The following WNT9B variants were observed in gnomAD, a reference collection of about 807,000 sequenced individuals.
The protein encoded by WNT9B is protein Wnt-9b.
WNT9B carries 12 observed loss-of-function variants against 30.2 expected under a neutral mutation model. That is an observed-to-expected ratio of 0.40 (90% CI 0.26 to 0.64). The LOEUF is 0.64. Among genes scored for constraint, WNT9B ranks in the 30% least tolerant of loss-of-function variants. The probability of loss-of-function intolerance (pLI) is 0.42; values close to 1 mark genes in which losing one functional copy is unlikely to be tolerated. For synonymous variants in WNT9B, 218 were observed against 216.9 expected (o/e 1.01, Z -0.05); for missense variants, 442 against 485.2 (o/e 0.91, Z 0.84).
chr17:46,871,732 T>A (rs1384930657), intron 1 of WNT9B, among the ~76,000 whole-genome samples: 1 of 152,160 alleles, frequency 6.6e-6, no homozygotes, highest in Non-Finnish European at 1.5e-5. Context: ...GGCTCCAGAA[T>A]CGATGAACTT....
chr17:46,885,019 GT>G (rs1240686501), downstream of WNT9B: 6 of 435,876 alleles, frequency 1.4e-5, no homozygotes, highest in Admixed American at 1.0e-4. Flanking sequence ...ACGAAGTCTT[GT>G]TCTTGTTGCG....
At position 46,868,550 on chromosome 17, in the gene WNT9B, CTCAG is replaced by C. The variant is rs1316467784; in HGVS notation, c.78-3966_78-3963del. Among the ~76,000 whole-genome samples the C allele has an allele frequency of 8.0e-3, 1,223 of 152,246 alleles. 16 individuals are homozygous for C. The highest frequency in any genetic ancestry group is 0.028 in the African/African-American group (1,146 of 41,548). On this transcript the variant is annotated intron_variant, in intron 1 of 3. Transcript: ENST00000290015. ...GGCAGAGGTTGCAGTGAGCCGAAAT[CTCAG>C]CACTGCACTCCAGCCTGGGTGATGG...
intron 1 of WNT9B, among the ~76,000 whole-genome samples, chr17:46,855,091 T>TA (rs59799598): frequency 0.17 from 25,384 of 152,132 alleles, 2,403 homozygotes; most frequent in East Asian, 0.37. Flanking sequence ...CACCCAGTGT[T>TA]ACACAGTGAA....
upstream of WNT9B, among the ~76,000 whole-genome samples, chr17:46,849,215 T>A (rs1368666501): frequency 6.6e-6 from 1 of 152,238 alleles, no homozygotes; most frequent in Non-Finnish European, 1.5e-5. Context: ...TTTCTCACTC[T>A]CCAGCCACTG....
chr17:46,880,615 A>G (rs1466004278), downstream of WNT9B, among the ~76,000 whole-genome samples: 1 of 152,208 alleles, frequency 6.6e-6, no homozygotes, highest in East Asian at 1.9e-4. Context: ...TGGTCCCCGT[A>G]ATGGATAAGG....
chr17:46,849,690 G>C (rs769785159), upstream of WNT9B, among the ~76,000 whole-genome samples: 20 of 152,198 alleles, frequency 1.3e-4, no homozygotes, highest in Non-Finnish European at 2.6e-4. Flanking sequence ...AGTCAGCCAT[G>C]ATGGGAATAT....
intron 1 of WNT9B, among the ~76,000 whole-genome samples, chr17:46,846,512 C>A (rs753634635): frequency 2.0e-5 from 3 of 152,222 alleles, no homozygotes; most frequent in Non-Finnish European, 1.5e-5. Context: ...GCACAAAGTA[C>A]AGTTGTGCCA....
In WNT9B at chr17:46,878,392, G is replaced by A. The variant is rs1424763501; in HGVS notation, c.*1674G>A. On this transcript the variant is annotated 3_prime_UTR_variant, in exon 4 of 4. Coordinates refer to ENST00000290015, the MANE Select transcript of WNT9B (RefSeq NM_003396.3). Reference sequence around the variant, plus strand: ...ACTCCCTGAGACCTCCAAGGGCGAGGAGGAGCTGCCCAGTCTCCAGTGGAT... The same window carrying A: ...ACTCCCTGAGACCTCCAAGGGCGAGAAGGAGCTGCCCAGTCTCCAGTGGAT... Among the ~76,000 whole-genome samples, 1 of 152,212 alleles carries A rather than the reference G, an allele frequency of 6.6e-6. No homozygotes were observed. Among genetic ancestry groups the A allele is most frequent in the African/African-American group, 2.4e-5 (1 of 41,458 alleles).
In WNT9B at chr17:46,878,127, G is replaced by A. The variant is rs1293659625; in HGVS notation, c.*1409G>A. On this transcript the variant is annotated 3_prime_UTR_variant, in exon 4 of 4. Transcript: ENST00000290015. ...ATGAAGACCTTGCAGGGGTCCCCTT[G>A]CTGGAGGCATTGTACTTCCCCAGAG... Among the ~76,000 whole-genome samples the A allele has an allele frequency of 1.3e-5, 2 of 152,236 alleles. No homozygotes were observed. The highest frequency in any genetic ancestry group is 6.5e-5 in the Admixed American group (1 of 15,288).
upstream of WNT9B, chr17:46,851,566 C>G: frequency 1.2e-6 from 1 of 854,918 alleles, no homozygotes; most frequent in Non-Finnish European, 1.5e-6. This position sits in a 1 kb window ranked among gnomAD's most constrained non-coding sequence, Gnocchi z 4.3. Flanking sequence ...TAAAGTCCCG[C>G]GGGCGGGTGG....
rs746664058 is a variant in WNT9B at position 46,851,805 on chromosome 17, T to A, written c.77+90T>A. 9.0e-6 allele frequency: 6 copies of A among 664,110 alleles called. No homozygotes were observed. The highest frequency in any genetic ancestry group is 1.3e-5 in the Non-Finnish European group (6 of 467,970). 41.1% of individuals were successfully genotyped at this position (664,110 alleles called of 1,614,324 possible). A position where few individuals can be genotyped will look rare whatever the true frequency, so the allele number is the denominator to read the frequency against. On this transcript the variant is annotated intron_variant, in intron 1 of 3. Coordinates refer to ENST00000290015, the MANE Select transcript of WNT9B (RefSeq NM_003396.3). The surrounding 1 kb of genome is among the most constrained non-coding windows in gnomAD (Gnocchi z 4.3). ...CTGGGCCAATTTTTCCCTCCCGCTG[T>A]CCTTGGCCCCGCCGAGGTCTCGAAC...
upstream of WNT9B, among the ~76,000 whole-genome samples, chr17:46,849,018 T>C (rs1218988530): frequency 6.6e-5 from 10 of 152,114 alleles, no homozygotes; most frequent in Non-Finnish European, 1.5e-4. Flanking sequence ...ATCTGGGCAG[T>C]TCTATGCAGC....
At chr17:46,846,452 G>T (rs1218093578) in intron 1 of WNT9B, among the ~76,000 whole-genome samples, 2 of 152,242 alleles carry the variant, frequency 1.3e-5, no homozygotes, top group Admixed American at 1.3e-4. Context: ...ACATAGCAGG[G>T]ATGCCTAATC....
At chr17:46,875,474 G>T in intron 3 of WNT9B, 108 bp downstream of exon 3, 3 of 1,378,656 alleles carry the variant, frequency 2.2e-6, no homozygotes, top group Non-Finnish European at 2.9e-6. Flanking sequence ...ATGAAGAGCC[G>T]TGAACTTCAT....
At chr17:46,833,521 T>C in intron 1 of WNT9B, 2 of 440,874 alleles carry the variant, frequency 4.5e-6, no homozygotes, top group Non-Finnish European at 9.2e-6. Flanking sequence ...CTCTCTGAGC[T>C]TTCCGAGACA....
At chr17:46,847,302 T>C (rs1205472327), upstream of WNT9B, among the ~76,000 whole-genome samples, 2 of 152,178 alleles carry the variant, frequency 1.3e-5, no homozygotes, top group African/African-American at 4.8e-5. Flanking sequence ...AAGTCTTCCA[T>C]CCCCGAGAGC....
chr17:46,834,493 A>ATGGCT (rs999179301), intron 1 of WNT9B, among the ~76,000 whole-genome samples: 2 of 152,166 alleles, frequency 1.3e-5, no homozygotes, highest in African/African-American at 4.8e-5. Context: ...GCTTTACAAC[A>ATGGCT]GGGGGTACGG....
In WNT9B at chr17:46,851,675, T is replaced by G; in HGVS notation, c.37T>G (p.Cys13Gly). Residue 13 changes from cysteine (C) to glycine (G), a missense_variant, in exon 1 of 4, where the codon TGC (cysteine) becomes GGC (glycine). By Grantham distance (159) the Cys-to-Gly change is radical. Coordinates refer to ENST00000290015, the MANE Select transcript of WNT9B (RefSeq NM_003396.3). This position sits in a 1 kb window ranked among gnomAD's most constrained non-coding sequence, Gnocchi z 4.3. ...GCCCGCGCTGGCCCTGGCCGGGCTCTGCCTGCTGGCGCTGCCCGCCGCCGC... is the reference window on the plus strand; with the variant it reads ...GCCCGCGCTGGCCCTGGCCGGGCTCGGCCTGCTGGCGCTGCCCGCCGCCGC... Reference protein sequence around the residue: ...PPPALALAGLCLLALPAAAAS... With the variant: ...PPPALALAGLGLLALPAAAAS... The G allele has an allele frequency of 7.6e-7, 1 of 1,309,706 alleles. No homozygotes were observed. The allele number at this position is 1,309,706 out of a possible 1,614,324, so 81.1% of individuals were successfully genotyped here.
chr17:46,885,333 C>T (rs754913434), downstream of WNT9B: 33 of 235,004 alleles, frequency 1.4e-4, no homozygotes, highest in Non-Finnish European at 2.3e-4. Flanking sequence ...GACAGAGTCT[C>T]GCTCTGTCAC....
Sources: gnomAD v4.1 joint callset for allele counts (sites outside exome capture counted in the v4.1 genomes callset) on GRCh38, gnomAD v4.1.1 for gene constraint, Gnocchi (gnomAD v3.1) non-coding constraint, MANE v1.5 for transcripts, NCBI Gene and HGNC (gene_info 2026-07-23, HGNC 2026-07-21) for gene names.